Variants in MFSD12 observed in about 807,000 individuals in gnomAD.
The protein encoded by MFSD12 is major facilitator superfamily domain containing 12, also known as major facilitator superfamily domain-containing protein 12.
In MFSD12, 67 loss-of-function variants were observed where a neutral mutation model predicts 51.2. That is an observed-to-expected ratio of 1.31 (90% confidence interval 1.08 to 1.60). The LOEUF (loss-of-function observed/expected upper bound fraction) is 1.60, where lower values mean the gene tolerates loss of function less well. Among genes scored for constraint, MFSD12 ranks in the 40% most tolerant of loss-of-function variants. MFSD12 has a pLI of 0.00. For missense variants in MFSD12, 921 were observed against 673.0 expected, an observed-to-expected ratio of 1.37 and a Z score of -4.08; for synonymous variants, 441 against 316.7, an observed-to-expected ratio of 1.39 and a Z score of -4.17.
Position 3,547,271 on chromosome 19 carries a change from C to T in MFSD12, c.1023+1G>A, listed in dbSNP as rs775309500. Reference sequence around the variant, plus strand: ...GCTGTCCCCGGTCCCCGCCCACTCACGTTCCTCCCAATGCACTTGTTGATG... The same window carrying T: ...GCTGTCCCCGGTCCCCGCCCACTCATGTTCCTCCCAATGCACTTGTTGATG... On this transcript the variant is annotated splice_donor_variant, in intron 6 of 9. Coordinates refer to ENST00000355415, the MANE Select transcript of MFSD12 (RefSeq NM_174983.5). LOFTEE classifies it high-confidence loss of function. The T allele has an allele frequency of 9.3e-6, 15 of 1,612,336 alleles. No individual in the cohort carries two copies. The highest frequency in any genetic ancestry group is 1.3e-5 in the Non-Finnish European group (15 of 1,179,304).
At chr19:3,542,788 G>T, downstream of MFSD12, 4 of 1,368,788 alleles carry the variant, frequency 2.9e-6, no homozygotes, top group Non-Finnish European at 3.9e-6. Context: ...GGCCTAGTGG[G>T]TCCCCCAGTC....
rs748811948 is a variant in MFSD12, at chr19:3,546,365, CCGCCAG to C, written c.1078_1083del (p.Leu360_Ala361del). The C allele has an allele frequency of 3.5e-5, 56 of 1,607,668 alleles. No individual in the cohort carries two copies. Among genetic ancestry groups the C allele is most frequent in the Non-Finnish European group, 4.6e-5 (54 of 1,177,886 alleles). On this transcript the variant is annotated inframe_deletion, in exon 7 of 10. Coordinates refer to ENST00000355415, the MANE Select transcript of MFSD12 (RefSeq NM_174983.5). ...GCGTACACGGCCACACCCAGTCCCT[CCGCCAG>C]CGCCACCCAGGCGGCAAAGGCCAGG...
rs377445577 is a variant in MFSD12, at chr19:3,544,744, G to A, written c.1421-12C>T. 1.9e-6 allele frequency: 3 copies of A among 1,605,248 alleles called. No individual in the cohort carries two copies. Among genetic ancestry groups the A allele is most frequent in the African/African-American group, 1.3e-5 (1 of 74,884 alleles). ...GGCATCACGGTCCCCTGCAAGGGAG[G>A]GGTGGAAATGGCATTAGAGAGTGTG... On this transcript the variant is annotated splice_polypyrimidine_tract_variant and intron_variant, in intron 9 of 9. Coordinates refer to ENST00000355415, the MANE Select transcript of MFSD12 (RefSeq NM_174983.5).
chr19:3,549,446 A>G (rs2003012), intron 2 of MFSD12, among the ~76,000 whole-genome samples: 1,856 of 152,188 alleles, frequency 0.012, 45 homozygotes, highest in African/African-American at 0.043. Flanking sequence ...ATTACTGGCC[A>G]GGCGCGGTGG....
At chr19:3,550,142 C>T (rs1200947356) in intron 2 of MFSD12, among the ~76,000 whole-genome samples, 2 of 152,186 alleles carry the variant, frequency 1.3e-5, no homozygotes, top group Admixed American at 6.6e-5. Context: ...CCATAAGACG[C>T]TAGCCCTGGG....
In MFSD12 at chr19:3,547,918, A is replaced by G. The variant is rs749516824; in HGVS notation, c.767T>C (p.Leu256Pro). Residue 256 changes from leucine (L) to proline (P), a missense_variant, in exon 4 of 10, where the codon CTG becomes CCG. By Grantham distance (98) the Leu-to-Pro change is moderately conservative. Coordinates refer to ENST00000355415, the MANE Select transcript of MFSD12 (RefSeq NM_174983.5). ...HAEEPGEHTP[L>P]LAPATAQPLL... ...GGGCTGGGCCGTGGCAGGGGCCAAC[A>G]GGGGGGTGTGCTCGCCTGGCTCCTC... The G allele has an allele frequency of 3.4e-5, 54 of 1,577,486 alleles. No homozygotes were observed. The highest frequency in any genetic ancestry group is 4.1e-5 in the Non-Finnish European group (48 of 1,168,002).
downstream of MFSD12, chr19:3,542,615 A>G: frequency 1.3e-6 from 1 of 752,106 alleles, no homozygotes; most frequent in Middle Eastern, 6.7e-4. Flanking sequence ...CTGGGATTAC[A>G]GGTGCCCCCC....
chr19:3,555,701 C>A (rs1646271626), intron 1 of MFSD12, among the ~76,000 whole-genome samples: 1 of 152,164 alleles, frequency 6.6e-6, no homozygotes, highest in South Asian at 2.1e-4. Context: ...AACCACCCAT[C>A]CCAGTCATTG....
chr19:3,547,512 C>A lies in MFSD12; in HGVS notation c.873G>T (p.Val291=). 1 of 1,612,878 alleles carries A rather than the reference C, an allele frequency of 6.2e-7. No homozygotes were observed. The change falls in exon 5 of 10, where the codon GTG becomes GTT. Residue 291 remains valine (V), a synonymous_variant. Coordinates refer to ENST00000355415, the MANE Select transcript of MFSD12 (RefSeq NM_174983.5). Reference sequence around the variant, plus strand: ...TGGCCATGTAGGTCTGGGACAGGTTCACGATGAGCCTGGTGGTCATGTACA... The same window carrying A: ...TGGCCATGTAGGTCTGGGACAGGTTAACGATGAGCCTGGTGGTCATGTACA... ...GILYMTTRLI[V]NLSQTYMAMY...
chr19:3,539,003 A>C (rs1599802535), intron 4 of MFSD12: 1 of 628,996 alleles, frequency 1.6e-6, no homozygotes, highest in South Asian at 1.8e-5. Flanking sequence ...ACACTGTGTC[A>C]CCCCCAGTTG....
chr19:3,555,539 TGCC>T (rs1415585952), intron 1 of MFSD12, among the ~76,000 whole-genome samples: 1 of 152,210 alleles, frequency 6.6e-6, no homozygotes, highest in Non-Finnish European at 1.5e-5. Context: ...CCTCCCTGTC[TGCC>T]GCCGCCTCAG....
rs765759276 is a variant in MFSD12 at position 3,544,720 on chromosome 19, G to A, written c.1433C>T (p.Ala478Val). The A allele has an allele frequency of 1.3e-6, 2 of 1,592,434 alleles. No homozygotes were observed. The highest frequency in any genetic ancestry group is 8.6e-7 in the Non-Finnish European group (1 of 1,168,070). ...PTRLRRWDRD[A>V]RP ...GGAGGCTGTCAGGAGTCAGGGCCGG[G>A]CATCACGGTCCCCTGCAAGGGAGGG... Residue 478 changes from alanine (A) to valine (V), a missense_variant, in exon 10 of 10, where the codon GCC becomes GTC. Transcript: ENST00000355415.
chr19:3,543,255 A>G (rs993224208), downstream of MFSD12: 1 of 1,546,068 alleles, frequency 6.5e-7, no homozygotes, highest in African/African-American at 1.4e-5. Flanking sequence ...CTGTCCCTGG[A>G]GGGTTCCCGC....
At chr19:3,553,728 C>CAAAAAAAAA (rs35093968) in intron 1 of MFSD12, among the ~76,000 whole-genome samples, 2 of 61,332 alleles carry the variant, frequency 3.3e-5, no homozygotes, top group African/African-American at 7.5e-5. Context: ...CTCCATCTCT[C>CAAAAAAAAA]AAAAAAAAAA....
intron 2 of MFSD12, 95 bp from the exon 3 acceptor site, chr19:3,548,362 CCTGA>C (rs2031253637): frequency 8.8e-6 from 13 of 1,472,390 alleles, no homozygotes; most frequent in South Asian, 5.0e-5. Flanking sequence ...CTGGGGAACC[CCTGA>C]CTGACAGGTG....
In MFSD12 at chr19:3,551,770, C is replaced by T. The variant is rs1254871124; in HGVS notation, c.299-576G>A. ...CCTGGAACAAATGTAAGATCCTCCCCGCAGCCCACGGAGCCCTTTGCGACC... is the reference window on the plus strand; with the variant it reads ...CCTGGAACAAATGTAAGATCCTCCCTGCAGCCCACGGAGCCCTTTGCGACC... On this transcript the variant is annotated intron_variant, in intron 1 of 9. Transcript: ENST00000355415. This position sits in a 1 kb window ranked among gnomAD's most constrained non-coding sequence, Gnocchi z 4.6. 6.6e-6 allele frequency among the ~76,000 whole-genome samples: 1 copy of T among 152,166 alleles called. No homozygotes were observed. The highest frequency in any genetic ancestry group is 1.5e-5 in the Non-Finnish European group (1 of 68,014).
rs559222070 is a variant in MFSD12 at position 3,557,502 on chromosome 19, C to A, written c.-99G>T. On this transcript the variant is annotated 5_prime_UTR_variant, in exon 1 of 10. Transcript: ENST00000355415. ...TGGGGGCAGGCGCCGGGGACCCCCA[C>A]CACGCGCCGGGCACCCCGCGTCCCG... 3 of 747,980 alleles carry A rather than the reference C, an allele frequency of 4.0e-6. No individual in the cohort carries two copies. The South Asian group carries it at 1.9e-4, about 49-fold the overall frequency. 46.3% of individuals were successfully genotyped at this position (747,980 alleles called of 1,614,324 possible).
chr19:3,554,919 C>G (rs2031657122), intron 1 of MFSD12, among the ~76,000 whole-genome samples: 1 of 152,210 alleles, frequency 6.6e-6, no homozygotes, highest in Admixed American at 6.5e-5. Flanking sequence ...CCAACAGACC[C>G]TCCTGACCCT....
In MFSD12 at chr19:3,557,232, C is replaced by T; in HGVS notation, c.172G>A (p.Ala58Thr). 1 of 1,591,098 alleles carries T rather than the reference C, an allele frequency of 6.3e-7. No individual in the cohort carries two copies. The highest frequency in any genetic ancestry group is 2.3e-5 in the East Asian group (1 of 43,192). The change falls in exon 1 of 10, where the codon GCG becomes ACG. Residue 58 changes from alanine to threonine, a missense_variant. Transcript: ENST00000355415. The stretch of plus-strand genomic sequence containing the variant: ...TGGCCCAGCAGCAGCAGCAGCCCCG[C>T]GCCGCGGGAGCTGTAGGCGCGCACC... ...HSVRAYSSRG[A>T]GLLLLLGQVA...
Sources: allele counts gnomAD v4.1 joint callset (sites outside exome capture counted in the v4.1 genomes callset), GRCh38; gene constraint gnomAD v4.1.1; non-coding constraint Gnocchi (gnomAD v3.1); transcripts MANE v1.5; gene names NCBI Gene and HGNC (gene_info 2026-07-23, HGNC 2026-07-21).